The following PRKAR2B variants were observed in gnomAD, a reference collection of about 807,000 sequenced individuals.
PRKAR2B encodes the protein cAMP-dependent protein kinase type II-beta regulatory subunit.
A neutral mutation model predicts 49.9 loss-of-function variants in PRKAR2B; 14 were observed. The observed-to-expected ratio is 0.28, with a 90% CI of 0.19 to 0.44. PRKAR2B has a LOEUF of 0.44. Ranked by LOEUF, PRKAR2B falls within the 20% of genes least tolerant of loss-of-function variation. The pLI is 1.00. For synonymous variants in PRKAR2B, 196 were observed against 197.7 expected, an observed-to-expected ratio of 0.99 and a Z score of 0.07; for missense variants, 393 against 537.9, an observed-to-expected ratio of 0.73 and a Z score of 2.67.
chr7:107,127,977 A>G (rs570908446), intron 3 of PRKAR2B, among the ~76,000 whole-genome samples: 19 of 152,296 alleles, frequency 1.2e-4, no homozygotes, highest in South Asian at 6.2e-4. Flanking sequence ...TTTCAGTGCT[A>G]TATTGATGAA....
At chr7:107,156,886 C>A (rs1796101967) in intron 8 of PRKAR2B, 98 bp from the exon 9 acceptor site, 1 of 1,021,130 alleles carries the variant, frequency 9.8e-7, no homozygotes, top group Non-Finnish European at 1.5e-6. Context: ...AATATGTGTA[C>A]TTTGGGGTTG....
chr7:107,106,566 A>G (rs1795077284), intron 2 of PRKAR2B, among the ~76,000 whole-genome samples: 1 of 152,152 alleles, frequency 6.6e-6, no homozygotes, highest in Non-Finnish European at 1.5e-5. Flanking sequence ...AAAAAGGTAC[A>G]TGTTTGTGGA....
At chr7:107,102,673 TTTTG>T (rs1466987791) in intron 2 of PRKAR2B, among the ~76,000 whole-genome samples, 6 of 152,120 alleles carry the variant, frequency 3.9e-5, no homozygotes, top group East Asian at 1.9e-4. Context: ...GAAAAGATTT[TTTTG>T]TTTGTTTGTT....
intron 2 of PRKAR2B, among the ~76,000 whole-genome samples, chr7:107,094,467 C>G (rs1028750940): frequency 3.9e-5 from 6 of 152,136 alleles, no homozygotes; most frequent in Non-Finnish European, 7.4e-5. Flanking sequence ...TGCCTGTTCA[C>G]TCTGATGGTA....
chr7:107,077,848 G>A (rs1794429100), intron 2 of PRKAR2B: 1 of 152,108 alleles, frequency 6.6e-6, no homozygotes, highest in African/African-American at 2.4e-5. Flanking sequence ...GTATAAAATG[G>A]GGATAATACC....
chr7:107,079,250 A>G (rs1794467644), intron 2 of PRKAR2B, among the ~76,000 whole-genome samples: 1 of 152,174 alleles, frequency 6.6e-6, no homozygotes. Context: ...CTTTTGAGAA[A>G]TATAAATTTG....
intron 1 of PRKAR2B, among the ~76,000 whole-genome samples, chr7:107,065,359 TG>T (rs1435039367): frequency 6.6e-6 from 1 of 150,850 alleles, no homozygotes; most frequent in African/African-American, 2.4e-5. Context: ...TGTGTGTGTG[TG>T]TGTGTGTGTG....
chr7:107,116,957 A>G lies in PRKAR2B; in HGVS notation c.344-4995A>G, dbSNP rs191399515. Among the ~76,000 whole-genome samples, 581 of 147,494 alleles carry G rather than the reference A, an allele frequency of 3.9e-3. 5 individuals carry two copies. Among genetic ancestry groups the G allele is most frequent in the African/African-American group, 0.013 (518 of 39,382 alleles). On this transcript the variant is annotated intron_variant, in intron 2 of 10. Coordinates refer to ENST00000265717, the MANE Select transcript of PRKAR2B (RefSeq NM_002736.3). The stretch of plus-strand genomic sequence containing the variant: ...TGTATATATATGTGTGTGTGTGTGT[A>G]TATATATATATATGTGTATATATAT...
At chr7:107,074,396 G>A (rs1238881377) in intron 2 of PRKAR2B, among the ~76,000 whole-genome samples, 1 of 152,042 alleles carries the variant, frequency 6.6e-6, no homozygotes, top group Non-Finnish European at 1.5e-5. Context: ...GAGCCACTGC[G>A]CCCGGCCACA....
At chr7:107,064,900 T>TTTTCAAG (rs1456895135) in intron 1 of PRKAR2B, among the ~76,000 whole-genome samples, 2 of 152,118 alleles carry the variant, frequency 1.3e-5, no homozygotes, top group Non-Finnish European at 2.9e-5. Context: ...ATCAGAAAAA[T>TTTTCAAG]TTTCAAGTTT....
chr7:107,063,557 A>G (rs1794068852), intron 1 of PRKAR2B, among the ~76,000 whole-genome samples: 1 of 152,146 alleles, frequency 6.6e-6, no homozygotes, highest in African/African-American at 2.4e-5. Context: ...AAGGAACAAG[A>G]GGGGCAACTT....
intron 4 of PRKAR2B, among the ~76,000 whole-genome samples, chr7:107,131,796 T>C (rs1055936331): frequency 6.6e-6 from 1 of 152,206 alleles, no homozygotes; most frequent in African/African-American, 2.4e-5. Flanking sequence ...TAAGCTCATA[T>C]TGTAAAGTAG....
At chr7:107,158,414 C>A (rs1471260674) in intron 10 of PRKAR2B, among the ~76,000 whole-genome samples, 1 of 152,132 alleles carries the variant, frequency 6.6e-6, no homozygotes, top group Non-Finnish European at 1.5e-5. Context: ...CCTTCTTGTC[C>A]TTTTTATTTG....
chr7:107,074,671 C>T (rs1331037227), intron 2 of PRKAR2B, among the ~76,000 whole-genome samples: 1 of 151,796 alleles, frequency 6.6e-6, no homozygotes, highest in Non-Finnish European at 1.5e-5. Context: ...TGGTGGCGGG[C>T]GCCTGTAATC....
intron 2 of PRKAR2B, chr7:107,091,846 A>T (rs185919413): frequency 1.3e-5 from 2 of 152,216 alleles, no homozygotes; most frequent in East Asian, 3.9e-4. Flanking sequence ...TTTATCACCC[A>T]TGTAAGATGC....
intron 1 of PRKAR2B, among the ~76,000 whole-genome samples, chr7:107,053,567 TGTCTTTTTTAA>T (rs1793852066): frequency 6.6e-6 from 1 of 150,978 alleles, no homozygotes; most frequent in African/African-American, 2.4e-5. Flanking sequence ...TGTGTGTGTG[TGTCTTTTTTAA>T]AAGACAGTCA....
At chr7:107,136,025 C>A (rs565259526) in intron 4 of PRKAR2B, among the ~76,000 whole-genome samples, 10 of 152,142 alleles carry the variant, frequency 6.6e-5, no homozygotes, top group African/African-American at 2.4e-4. Context: ...CGGTAACAGC[C>A]CCACTTAAAT....
At chr7:107,097,593 C>G (rs1005762949) in intron 2 of PRKAR2B, among the ~76,000 whole-genome samples, 1 of 152,044 alleles carries the variant, frequency 6.6e-6, no homozygotes, top group Non-Finnish European at 1.5e-5. Flanking sequence ...GATGTTAGTT[C>G]CTTCCTAGCG....
intron 2 of PRKAR2B, among the ~76,000 whole-genome samples, chr7:107,110,171 A>G (rs1023218117): frequency 6.6e-6 from 1 of 152,198 alleles, no homozygotes; most frequent in African/African-American, 2.4e-5. Context: ...CACAGCAAGA[A>G]GCAAAAGCAA....
Sources: gnomAD v4.1 joint callset for allele counts (sites outside exome capture counted in the v4.1 genomes callset) on GRCh38, gnomAD v4.1.1 for gene constraint, MANE v1.5 for transcripts, NCBI Gene and HGNC (gene_info 2026-07-23, HGNC 2026-07-21) for gene names.